PLAAT3: variants seen among roughly 807,000 people sequenced by gnomAD.
The protein encoded by PLAAT3 is phospholipase A and acyltransferase 3.
PLAAT3 carries 21 observed loss-of-function variants against 16.7 expected under a neutral mutation model. The observed-to-expected ratio is 1.26, with a 90% confidence interval of 0.89 to 1.81. PLAAT3 has a LOEUF of 1.81. Ranked by LOEUF, PLAAT3 falls within the 40% of genes most tolerant of loss-of-function variation. The pLI is 0.00. For missense variants in PLAAT3, 219 were observed against 213.7 expected (o/e 1.02, Z -0.16); for synonymous variants, 76 against 81.7 (o/e 0.93, Z 0.38).
upstream of PLAAT3, among the ~76,000 whole-genome samples, chr11:63,615,926 C>A (rs915593310): frequency 1.6e-4 from 24 of 152,146 alleles, no homozygotes; most frequent in Non-Finnish European, 3.1e-4. Flanking sequence ...CCTCAGCCTC[C>A]GAAAGGGCTG....
At chr11:63,616,256 CT>C (rs1352623970), upstream of PLAAT3, 1 of 152,050 alleles carries the variant, frequency 6.6e-6, no homozygotes, top group Non-Finnish European at 1.5e-5. Context: ...TGACACCCCC[CT>C]GTTCCCCCCA....
intron 2 of PLAAT3, among the ~76,000 whole-genome samples, chr11:63,606,210 C>G (rs1447583667): frequency 6.6e-6 from 1 of 152,116 alleles, no homozygotes; most frequent in African/African-American, 2.4e-5. Flanking sequence ...GCTGTGCGCC[C>G]GGCACCAATC....
At chr11:63,597,985 T>A in intron 3 of PLAAT3, 76 bp downstream of exon 3, 2 of 957,076 alleles carry the variant, frequency 2.1e-6, no homozygotes, top group South Asian at 2.6e-5. Context: ...TGGGGTCACC[T>A]GTTACCCACA....
intron 3 of PLAAT3, among the ~76,000 whole-genome samples, chr11:63,595,335 C>T (rs925229259): frequency 2.0e-5 from 3 of 149,258 alleles, no homozygotes; most frequent in African/African-American, 7.4e-5. Context: ...CAGCTCTATT[C>T]ATAGCAGTCA....
chr11:63,580,990 A>C (rs920300913), intron 4 of PLAAT3, among the ~76,000 whole-genome samples: 58 of 152,246 alleles, frequency 3.8e-4, no homozygotes, highest in African/African-American at 1.4e-3. Context: ...CAATCTCTGA[A>C]CACAAATTGT....
intron 2 of PLAAT3, among the ~76,000 whole-genome samples, chr11:63,602,076 T>A (rs1406678041): frequency 6.7e-6 from 1 of 148,366 alleles, no homozygotes; most frequent in African/African-American, 2.5e-5. Context: ...TCACGTGAAG[T>A]CAGAAGTTTG....
Position 63,614,007 on chromosome 11 carries a change from G to T in PLAAT3, c.8C>A (p.Ala3Glu). MR[A>E]PIPEPKPGDL... The stretch of plus-strand genomic sequence containing the variant: ...GCCTCGCCCCGCACTTACAATGGGC[G>T]CACGCATCTTCCCTCGCGGTGTGGA... The change falls in exon 2 of 5, where the codon GCG becomes GAG. Residue 3 changes from alanine to glutamate, a missense_variant. Ala to Glu is a moderately radical substitution (Grantham distance 107). Transcript: ENST00000415826. The T allele has an allele frequency of 1.2e-6, 2 of 1,604,262 alleles. No homozygotes were observed. The highest frequency in any genetic ancestry group is 1.7e-6 in the Non-Finnish European group (2 of 1,171,256).
At chr11:63,615,611 G>A (rs1037392857), upstream of PLAAT3, among the ~76,000 whole-genome samples, 9 of 151,722 alleles carry the variant, frequency 5.9e-5, no homozygotes, top group African/African-American at 2.2e-4. Flanking sequence ...ATGTTGAGAC[G>A]GAAAGAATTC....
At chr11:63,605,829 G>A (rs1049482229) in intron 2 of PLAAT3, among the ~76,000 whole-genome samples, 2 of 152,228 alleles carry the variant, frequency 1.3e-5, no homozygotes, top group African/African-American at 4.8e-5. Context: ...TAAGATTACA[G>A]ACATGAGCCA....
intron 2 of PLAAT3, among the ~76,000 whole-genome samples, chr11:63,608,871 C>T (rs1023116451): frequency 6.6e-6 from 1 of 152,174 alleles, no homozygotes; most frequent in African/African-American, 2.4e-5. Flanking sequence ...GGCCAAGTTA[C>T]CTAATTACTC....
chr11:63,615,304 ATATATGTGTG>A (rs1938838733), upstream of PLAAT3, among the ~76,000 whole-genome samples: 1 of 86,350 alleles, frequency 1.2e-5, no homozygotes, highest in African/African-American at 3.8e-5. Flanking sequence ...ATATGTGTGT[ATATATGTGTG>A]TATATATGTG....
At chr11:63,601,430 T>A (rs1316878953) in intron 2 of PLAAT3, among the ~76,000 whole-genome samples, 2 of 151,044 alleles carry the variant, frequency 1.3e-5, no homozygotes, top group Admixed American at 1.3e-4. Flanking sequence ...CCAATCTGCC[T>A]ATTCTTTGTA....
At chr11:63,585,326 AG>A (rs1316631856) in intron 4 of PLAAT3, among the ~76,000 whole-genome samples, 1 of 152,138 alleles carries the variant, frequency 6.6e-6, no homozygotes, top group African/African-American at 2.4e-5. Flanking sequence ...CCCGGCCAGA[AG>A]TTCTATGTTA....
upstream of PLAAT3, chr11:63,616,358 G>A (rs566594244): frequency 2.0e-5 from 3 of 151,722 alleles, no homozygotes; most frequent in African/African-American, 7.3e-5. Flanking sequence ...GTGTCTTTCT[G>A]TGCCTGGCTT....
rs11822733 is a variant in PLAAT3 at position 63,593,900 on chromosome 11, A to G, written c.119-3532T>C. Reference sequence around the variant, plus strand: ...TGGCCCTTGATTTACGCTTTCAAACAATCACACCACCTGCCCATGAATGAG... The same window carrying G: ...TGGCCCTTGATTTACGCTTTCAAACGATCACACCACCTGCCCATGAATGAG... On this transcript the variant is annotated intron_variant, in intron 3 of 4. Coordinates refer to ENST00000415826, the MANE Select transcript of PLAAT3 (RefSeq NM_001128203.2). Among the ~76,000 whole-genome samples, 863 of 152,246 alleles carry G rather than the reference A, an allele frequency of 5.7e-3. 7 individuals carry two copies. Among genetic ancestry groups the G allele is most frequent in the African/African-American group, 0.02 (824 of 41,522 alleles).
At chr11:63,585,100 T>A (rs569552247) in intron 4 of PLAAT3, among the ~76,000 whole-genome samples, 9 of 151,712 alleles carry the variant, frequency 5.9e-5, no homozygotes, top group African/African-American at 9.7e-5. Flanking sequence ...CAATCTTGGC[T>A]CACTGCAACC....
chr11:63,603,901 C>T lies in PLAAT3; in HGVS notation c.16-5738G>A, dbSNP rs996383114. 1.2e-4 allele frequency among the ~76,000 whole-genome samples: 18 copies of T among 152,266 alleles called. No individual in the cohort carries two copies. The South Asian group carries it at 3.7e-3, about 32-fold the overall frequency. On this transcript the variant is annotated intron_variant, in intron 2 of 4. Transcript: ENST00000415826. Reference sequence around the variant, plus strand: ...GCACAGTGGCTCATGCCTGTAATCCCAGCACTTTGGGAGGCCAAGGTGGGT... The same window carrying T: ...GCACAGTGGCTCATGCCTGTAATCCTAGCACTTTGGGAGGCCAAGGTGGGT...
chr11:63,611,859 C>T (rs979469042), intron 2 of PLAAT3, among the ~76,000 whole-genome samples: 1 of 152,212 alleles, frequency 6.6e-6, no homozygotes, highest in South Asian at 2.1e-4. Flanking sequence ...GTATGATGGG[C>T]CGGGCGCGGT....
chr11:63,583,054 C>T (rs767760357), intron 4 of PLAAT3, among the ~76,000 whole-genome samples: 13 of 151,772 alleles, frequency 8.6e-5, no homozygotes, highest in South Asian at 2.1e-4. Context: ...TCACTTGAAC[C>T]GGGAGGCGGA....
Sources: allele counts gnomAD v4.1 joint callset (sites outside exome capture counted in the v4.1 genomes callset), GRCh38; gene constraint gnomAD v4.1.1; transcripts MANE v1.5; gene names NCBI Gene and HGNC (gene_info 2026-07-23, HGNC 2026-07-21).